COPG2: variants seen among roughly 807,000 people sequenced by gnomAD.
COPG2 encodes coatomer subunit gamma-2.
A neutral mutation model predicts 46.3 loss-of-function variants in COPG2; 37 were observed. The observed-to-expected ratio is 0.80, with a 90% CI of 0.61 to 1.05. The LOEUF (loss-of-function observed/expected upper bound fraction) is 1.05. Among genes scored for constraint, COPG2 ranks in the 50% least tolerant of loss-of-function variants. The probability of loss-of-function intolerance (pLI) is 0.00; values close to 1 mark genes in which losing one functional copy is unlikely to be tolerated. For synonymous variants in COPG2, 159 were observed against 129.7 expected (o/e 1.23, Z -1.53); for missense variants, 427 against 387.8 (o/e 1.10, Z -0.85).
At chr7:130,596,552 C>T (rs529412375) in intron 9 of COPG2, among the ~76,000 whole-genome samples, 12 of 152,270 alleles carry the variant, frequency 7.9e-5, no homozygotes, top group Middle Eastern at 3.4e-3. Flanking sequence ...GGGCCATGGA[C>T]GCCTGGGCAA....
At chr7:130,507,577 A>AT in intron 22 of COPG2, 108 bp downstream of exon 22, 1 of 655,034 alleles carries the variant, frequency 1.5e-6, no homozygotes, top group Admixed American at 2.8e-5. Flanking sequence ...TAAGTAAGAG[A>AT]TTTATGAAGT....
At chr7:130,576,122 G>A (rs1315443662) in intron 9 of COPG2, among the ~76,000 whole-genome samples, 4 of 152,062 alleles carry the variant, frequency 2.6e-5, no homozygotes, top group Non-Finnish European at 5.9e-5. Flanking sequence ...AATAATAGTG[G>A]GGGACTTCAA....
chr7:130,522,673 T>C (rs1390356794), intron 20 of COPG2, among the ~76,000 whole-genome samples: 1 of 151,726 alleles, frequency 6.6e-6, no homozygotes, highest in Non-Finnish European at 1.5e-5. Context: ...AAAGGAAATG[T>C]GCAAAAGAAA....
chr7:130,535,760 G>A (rs902775163), intron 20 of COPG2, among the ~76,000 whole-genome samples: 13 of 151,624 alleles, frequency 8.6e-5, no homozygotes, highest in Admixed American at 2.6e-4. Context: ...GGGCCAAGCT[G>A]TAGGCATTGA....
intron 9 of COPG2, among the ~76,000 whole-genome samples, chr7:130,585,689 C>T (rs1017978870): frequency 3.3e-5 from 5 of 151,940 alleles, no homozygotes; most frequent in Admixed American, 1.3e-4. Flanking sequence ...AGAAGATATA[C>T]AAATGAGCAA....
chr7:130,510,491 A>G (rs759680291), intron 20 of COPG2, among the ~76,000 whole-genome samples: 1 of 152,140 alleles, frequency 6.6e-6, no homozygotes, highest in Non-Finnish European at 1.5e-5. Flanking sequence ...CAGGAGAGAC[A>G]TTAATTATAG....
rs373536247 is a variant in COPG2, at chr7:130,595,803, A to AC, written c.737+15149dup. Among the ~76,000 whole-genome samples the AC allele has an allele frequency of 6.2e-3, 884 of 143,014 alleles. 4 individuals are homozygous for AC. Among genetic ancestry groups the AC allele is most frequent in the African/African-American group, 0.019 (723 of 38,376 alleles). The allele number at this position is 143,014 out of a possible 152,430, so 93.8% of individuals were successfully genotyped here. ...GCTGAGGTCCCATCGGCATTTGGGG[A>AC]CCCCCCCCCTCCAGCCTACCAGTAT... On this transcript the variant is annotated intron_variant, in intron 9 of 23. Transcript: ENST00000425248.
chr7:130,649,977 T>G (rs1795704813), intron 5 of COPG2, among the ~76,000 whole-genome samples: 1 of 152,202 alleles, frequency 6.6e-6, no homozygotes, highest in Non-Finnish European at 1.5e-5. Context: ...CTTGTCTCAC[T>G]GGGCTAAAAT....
At chr7:130,655,905 A>C (rs1554459840) in intron 4 of COPG2, among the ~76,000 whole-genome samples, 1 of 152,242 alleles carries the variant, frequency 6.6e-6, no homozygotes, top group African/African-American at 2.4e-5. Flanking sequence ...TGTTCTTACT[A>C]TCAAAATAAA....
At chr7:130,633,377 C>T (rs1225605364) in intron 5 of COPG2, among the ~76,000 whole-genome samples, 1 of 152,184 alleles carries the variant, frequency 6.6e-6, no homozygotes, top group East Asian at 1.9e-4. Context: ...TAAAGGCATT[C>T]CTATTTCTCC....
At chr7:130,534,200 GA>G (rs1231353704) in intron 20 of COPG2, among the ~76,000 whole-genome samples, 2 of 152,106 alleles carry the variant, frequency 1.3e-5, no homozygotes, top group Non-Finnish European at 2.9e-5. Context: ...GAAAATGGGG[GA>G]AAGGGCCAAA....
In COPG2 at chr7:130,554,690, C is replaced by T. The variant is rs1793590900; in HGVS notation, c.1259G>A (p.Cys420Tyr). 5.0e-6 allele frequency: 2 copies of T among 398,452 alleles called. No individual in the cohort carries two copies. Among genetic ancestry groups the T allele is most frequent in the South Asian group, 1.3e-4 (1 of 7,854 alleles). 24.7% of individuals were successfully genotyped at this position (398,452 alleles called of 1,614,324 possible). ...GTTCTCTTCCACAATGCTGATTATA[C>T]AGTCCACAATGGCCCGCTTGTACTC... ...GFEYKRAIVD[C>Y]IISIVEENPE... The change falls in exon 14 of 24, where the codon TGT (cysteine) becomes TAT (tyrosine). Residue 420 changes from cysteine (C) to tyrosine (Y), a missense_variant. Physicochemically the swap from Cys to Tyr is radical, Grantham distance 194. Transcript: ENST00000425248.
At chr7:130,619,976 T>C (rs1563061510) in intron 5 of COPG2, among the ~76,000 whole-genome samples, 2 of 152,250 alleles carry the variant, frequency 1.3e-5, no homozygotes, top group African/African-American at 2.4e-5. Context: ...AATTACTTGT[T>C]TCTCTCCACA....
chr7:130,509,658 T>C (rs1554440745), intron 20 of COPG2: 3 of 517,996 alleles, frequency 5.8e-6, no homozygotes, highest in South Asian at 4.2e-5. Flanking sequence ...CGTAAAGGTA[T>C]AAGCTTATGT....
intron 20 of COPG2, among the ~76,000 whole-genome samples, chr7:130,532,167 T>G (rs948373917): frequency 2.0e-5 from 3 of 151,972 alleles, no homozygotes; most frequent in African/African-American, 7.3e-5. Flanking sequence ...TGTGGGAACA[T>G]AGTTCCCGAC....
chr7:130,582,065 C>G (rs1479852636), intron 9 of COPG2, among the ~76,000 whole-genome samples: 1 of 151,912 alleles, frequency 6.6e-6, no homozygotes, highest in African/African-American at 2.4e-5. Flanking sequence ...AAGAACAAAG[C>G]TGGAGGCATC....
Position 130,633,004 on chromosome 7 carries a change from C to A in COPG2, c.324-15939G>T, listed in dbSNP as rs2116172015. Among the ~76,000 whole-genome samples the A allele has an allele frequency of 2.6e-5, 4 of 152,206 alleles. No homozygotes were observed. The South Asian group carries it at 8.3e-4, about 32-fold the overall frequency. On this transcript the variant is annotated intron_variant, in intron 5 of 23. Transcript: ENST00000425248. Reference sequence around the variant, plus strand: ...GTGAGAACATGCAGTGTTTGGTTTTCTGTTCCCGTGTTAGTTTGCTGAGAA... The same window carrying A: ...GTGAGAACATGCAGTGTTTGGTTTTATGTTCCCGTGTTAGTTTGCTGAGAA...
Position 130,555,050 on chromosome 7 carries a change from A to G in COPG2, c.1211T>C (p.Met404Thr), listed in dbSNP as rs1258343036. ...TAGTCTACCTACATCATCTCGGAGC[A>G]TGTTGGAGAGGAAAGTCATCATGAC... Reference protein sequence around the residue: ...HSVMMTFLSNMLRDDGGFEYK... With the variant: ...HSVMMTFLSNTLRDDGGFEYK... The change falls in exon 13 of 24, where the codon ATG becomes ACG. Residue 404 changes from methionine (M) to threonine (T), a missense_variant. Met to Thr is a moderately conservative substitution (Grantham distance 81, BLOSUM62 -1). Coordinates refer to ENST00000425248, the MANE Select transcript of COPG2 (RefSeq NM_012133.6). 4 of 398,420 alleles carry G rather than the reference A, an allele frequency of 1.0e-5. No homozygotes were observed. Among genetic ancestry groups the G allele is most frequent in the Admixed American group, 4.4e-5 (1 of 22,718 alleles). 24.7% of individuals were successfully genotyped at this position (398,420 alleles called of 1,614,324 possible).
intron 20 of COPG2, among the ~76,000 whole-genome samples, chr7:130,526,851 G>C (rs1799779223): frequency 7.0e-6 from 1 of 142,686 alleles, no homozygotes; most frequent in Non-Finnish European, 1.5e-5. Context: ...GTTCGGGGTG[G>C]GATTTGGGAT....
Sources: allele counts gnomAD v4.1 joint callset (sites outside exome capture counted in the v4.1 genomes callset), GRCh38; gene constraint gnomAD v4.1.1; transcripts MANE v1.5; gene names NCBI Gene and HGNC (gene_info 2026-07-23, HGNC 2026-07-21).